ADGRL4: variants seen among roughly 807,000 people sequenced by gnomAD.
ADGRL4 encodes adhesion G protein-coupled receptor L4.
In ADGRL4, 90 loss-of-function variants were observed where a neutral mutation model predicts 74.8. The ratio of observed to expected loss-of-function variants is 1.20; its 90% CI spans 1.02 to 1.43. The LOEUF is 1.43. Among genes scored for constraint, ADGRL4 ranks in the 40% most tolerant of loss-of-function variants. ADGRL4 has a pLI of 0.00. For synonymous variants in ADGRL4, 311 were observed against 279.2 expected (o/e 1.11, Z -1.14); for missense variants, 881 against 814.3 (o/e 1.08, Z -1.00).
intron 2 of ADGRL4, among the ~76,000 whole-genome samples, chr1:78,948,284 AG>A (rs1308932009): frequency 2.0e-5 from 3 of 152,170 alleles, no homozygotes; most frequent in African/African-American, 7.2e-5. Flanking sequence ...GAAAGAACAA[AG>A]GTTGAGTTAT....
chr1:78,959,293 G>T (rs187507916), intron 2 of ADGRL4, among the ~76,000 whole-genome samples: 5 of 152,104 alleles, frequency 3.3e-5, no homozygotes, highest in South Asian at 2.1e-4. Flanking sequence ...AATAATCAAA[G>T]AAACTAAAAT....
intron 2 of ADGRL4, among the ~76,000 whole-genome samples, chr1:78,959,432 A>G (rs1203615156): frequency 6.6e-6 from 1 of 152,224 alleles, no homozygotes; most frequent in Non-Finnish European, 1.5e-5. Flanking sequence ...CACACTCAAT[A>G]CCACCATTTG....
At position 78,918,063 on chromosome 1, in the gene ADGRL4, GAA is replaced by G. The variant is rs200740355; in HGVS notation, c.1462-15_1462-14del. ...TTGAACAGAAGAGCTAGAAATCAAA[GAA>G]AAAAAAAAAAACATTGTCAGTGTTT... is the stretch of plus-strand genomic sequence containing the variant. On this transcript the variant is annotated splice_polypyrimidine_tract_variant and intron_variant, in intron 10 of 14. Transcript: ENST00000370742. 1.3e-4 allele frequency: 150 copies of G among 1,174,084 alleles called. No homozygotes were observed. Among genetic ancestry groups the G allele is most frequent in the Middle Eastern group, 4.5e-4 (2 of 4,426 alleles). 72.7% of individuals were successfully genotyped at this position (1,174,084 alleles called of 1,614,324 possible). A position where few individuals can be genotyped will look rare whatever the true frequency, so the allele number is the denominator to read the frequency against.
chr1:78,900,387 A>ATG (rs1169359906), intron 12 of ADGRL4, among the ~76,000 whole-genome samples: 1 of 152,192 alleles, frequency 6.6e-6, no homozygotes, highest in African/African-American at 2.4e-5. Flanking sequence ...GAACTGTGAG[A>ATG]TAATACGTTT....
At position 78,893,121 on chromosome 1, in the gene ADGRL4, T is replaced by G; in HGVS notation, c.1818A>C (p.Glu606Asp). 1.3e-6 allele frequency: 2 copies of G among 1,593,134 alleles called. No homozygotes were observed. The highest frequency in any genetic ancestry group is 1.7e-6 in the Non-Finnish European group (2 of 1,171,120). The change falls in exon 13 of 15, where the codon GAA (glutamate) becomes GAC (aspartate). Residue 606 changes from glutamate to aspartate, a missense_variant. Physicochemically the swap from Glu to Asp is conservative, Grantham distance 45. Coordinates refer to ENST00000370742, the MANE Select transcript of ADGRL4 (RefSeq NM_022159.4). ...ACCTTATGTTCTCAAAGCAACTAACTTCTGGTTTCAACCCTGCAGTGTGAC... is the reference window on the plus strand; with the variant it reads ...ACCTTATGTTCTCAAAGCAACTAACGTCTGGTTTCAACCCTGCAGTGTGAC... ...VFRHTAGLKP[E>D]VSCFENIRSC...
chr1:78,946,418 CA>C lies in ADGRL4; in HGVS notation c.180del (p.Asn60LysfsTer6). 6.2e-7 allele frequency: 1 copy of C among 1,607,062 alleles called. No homozygotes were observed. The highest frequency in any genetic ancestry group is 1.1e-5 in the South Asian group (1 of 89,402). On this transcript the variant is annotated frameshift_variant, in exon 3 of 15. Transcript: ENST00000370742. LOFTEE classifies it high-confidence loss of function. ...GNGVTICEDDNECGNLTQSCG... is the reference protein window; with the variant it reads ...GNGVTICEDDXECGNLTQSCG... ...CAGGACTGAGTTAAATTTCCACATTCATTATCATCTGTTGGCATATGAATTT... is the reference window on the plus strand; with the variant it reads ...CAGGACTGAGTTAAATTTCCACATTCTTATCATCTGTTGGCATATGAATTT...
chr1:78,975,303 A>T (rs962840691), intron 2 of ADGRL4, among the ~76,000 whole-genome samples: 16 of 152,128 alleles, frequency 1.1e-4, no homozygotes, highest in Admixed American at 9.8e-4. Context: ...ACTTCATGAT[A>T]CTAATAATAT....
chr1:78,894,624 A>G (rs1364939825), intron 12 of ADGRL4, among the ~76,000 whole-genome samples: 1 of 151,880 alleles, frequency 6.6e-6, no homozygotes, highest in Non-Finnish European at 1.5e-5. Context: ...CTTTGTATAA[A>G]TTTGGAAACA....
At chr1:78,960,203 C>G (rs2100707415) in intron 2 of ADGRL4, among the ~76,000 whole-genome samples, 1 of 152,098 alleles carries the variant, frequency 6.6e-6, no homozygotes, top group Admixed American at 6.5e-5. Context: ...AAAAATGTGG[C>G]TTTAAAAAAT....
intron 3 of ADGRL4, among the ~76,000 whole-genome samples, chr1:78,942,809 A>G (rs1214342406): frequency 6.6e-6 from 1 of 152,090 alleles, no homozygotes. Flanking sequence ...TGTGTAGTGT[A>G]GTCCCAGCTA....
At chr1:78,911,498 G>C (rs1648761443) in intron 12 of ADGRL4, among the ~76,000 whole-genome samples, 1 of 151,546 alleles carries the variant, frequency 6.6e-6, no homozygotes, top group Admixed American at 6.6e-5. Flanking sequence ...TTCTGGTATG[G>C]TGTACTAGAG....
intron 8 of ADGRL4, among the ~76,000 whole-genome samples, chr1:78,923,937 A>G (rs1402025233): frequency 1.3e-5 from 2 of 151,896 alleles, no homozygotes; most frequent in Non-Finnish European, 2.9e-5. Flanking sequence ...AAATTCCCTA[A>G]AACTGAAGAC....
intron 9 of ADGRL4, among the ~76,000 whole-genome samples, chr1:78,920,785 T>C (rs1648981141): frequency 6.6e-6 from 1 of 151,930 alleles, no homozygotes; most frequent in South Asian, 2.1e-4. Context: ...GTGATTCATC[T>C]AAAACATGTG....
chr1:78,986,768 C>T (rs1259962537), intron 2 of ADGRL4, among the ~76,000 whole-genome samples: 5 of 151,700 alleles, frequency 3.3e-5, no homozygotes, highest in African/African-American at 9.7e-5. Context: ...CCCAGTTATT[C>T]ACTCATCATA....
At position 78,891,645 on chromosome 1, in the gene ADGRL4, G is replaced by A. The variant is rs774129602; in HGVS notation, c.1889C>T (p.Thr630Ile). The change falls in exon 14 of 15, where the codon ACC becomes ATC. Residue 630 changes from threonine (T) to isoleucine (I), a missense_variant. By Grantham distance (89) the Thr-to-Ile change is moderately conservative. Transcript: ENST00000370742. ...AACATGGAGAACCCCAAAGATCCAG[G>A]TGGTGCCGAGAAGGAACAGAAGAGC... ...ALALLFLLGT[T>I]WIFGVLHVVH... 6.2e-7 allele frequency: 1 copy of A among 1,613,234 alleles called. No homozygotes were observed. The highest frequency in any genetic ancestry group is 1.1e-5 in the South Asian group (1 of 91,028).
At chr1:78,996,412 G>A (rs1650715837) in intron 2 of ADGRL4, among the ~76,000 whole-genome samples, 1 of 152,178 alleles carries the variant, frequency 6.6e-6, no homozygotes, top group African/African-American at 2.4e-5. Flanking sequence ...AAAGTGACAG[G>A]TTGTGAAGTA....
chr1:78,998,608 C>T (rs971612379), intron 2 of ADGRL4, among the ~76,000 whole-genome samples: 2 of 152,026 alleles, frequency 1.3e-5, no homozygotes, highest in Admixed American at 1.3e-4. Flanking sequence ...CATGGTGACC[C>T]ACCTGCCTCG....
intron 2 of ADGRL4, among the ~76,000 whole-genome samples, chr1:78,992,145 C>G (rs763258018): frequency 2.0e-5 from 3 of 151,962 alleles, no homozygotes; most frequent in Non-Finnish European, 4.4e-5. Context: ...TCTAATCTTC[C>G]TAGAGAAAGT....
intron 8 of ADGRL4, among the ~76,000 whole-genome samples, chr1:78,925,616 C>T (rs575814797): frequency 2.0e-5 from 3 of 151,916 alleles, no homozygotes; most frequent in South Asian, 4.1e-4. Context: ...AGAGACTAAG[C>T]AGGTATATTG....
Sources: gnomAD v4.1 joint callset for allele counts (sites outside exome capture counted in the v4.1 genomes callset) on GRCh38, gnomAD v4.1.1 for gene constraint, MANE v1.5 for transcripts, NCBI Gene and HGNC (gene_info 2026-07-23, HGNC 2026-07-21) for gene names.